E2F3: variants seen among roughly 807,000 people sequenced by gnomAD.
E2F3 encodes the protein transcription factor E2F3.
In E2F3, 11 loss-of-function variants were observed where a neutral mutation model predicts 44.4. That is an observed-to-expected ratio of 0.25 (90% confidence interval 0.16 to 0.41). The LOEUF (loss-of-function observed/expected upper bound fraction) is 0.41. Ranked by LOEUF, E2F3 falls within the 10% of genes least tolerant of loss-of-function variation. E2F3 has a pLI of 1.00. For missense variants in E2F3, 487 were observed against 583.6 expected (o/e 0.83, Z 1.70); for synonymous variants, 249 against 253.0 (o/e 0.98, Z 0.15).
chr6:20,444,906 T>G (rs982957606), intron 1 of E2F3, among the ~76,000 whole-genome samples: 9 of 152,254 alleles, frequency 5.9e-5, no homozygotes, highest in Admixed American at 2.0e-4. Context: ...TGATGATAAC[T>G]TCTCCTAGGG....
At chr6:20,437,997 G>A (rs935066773) in intron 1 of E2F3, 1 of 152,200 alleles carries the variant, frequency 6.6e-6, no homozygotes, top group Non-Finnish European at 1.5e-5. Context: ...AGATTTGACT[G>A]GGTAATGTGA....
At chr6:20,470,094 A>G (rs181164853) in intron 1 of E2F3, among the ~76,000 whole-genome samples, 77 of 152,214 alleles carry the variant, frequency 5.1e-4, no homozygotes, top group African/African-American at 1.3e-3. Context: ...TTCTGTTCTT[A>G]TTTGGACAGC....
At chr6:20,480,445 C>A (rs1762185058) in intron 2 of E2F3, among the ~76,000 whole-genome samples, 1 of 152,014 alleles carries the variant, frequency 6.6e-6, no homozygotes, top group African/African-American at 2.4e-5. Context: ...GAGAGAGAAA[C>A]GTAGGTTAGA....
At chr6:20,480,522 T>A (rs1762187544) in intron 2 of E2F3, among the ~76,000 whole-genome samples, 1 of 152,226 alleles carries the variant, frequency 6.6e-6, no homozygotes, top group Admixed American at 6.5e-5. Context: ...GACTTTGTTC[T>A]CTCTCTTCCT....
intron 1 of E2F3, among the ~76,000 whole-genome samples, chr6:20,427,539 G>C (rs1311285161): frequency 6.6e-6 from 1 of 152,080 alleles, no homozygotes; most frequent in Non-Finnish European, 1.5e-5. Context: ...AAATAAAAGT[G>C]ATTTCTAAGG....
chr6:20,402,756 C>G lies in E2F3; in HGVS notation c.393+131C>G. 8.0e-7 allele frequency: 1 copy of G among 1,245,654 alleles called. No individual in the cohort carries two copies. The highest frequency in any genetic ancestry group is 3.3e-5 in the South Asian group (1 of 30,726). 77.2% of individuals were successfully genotyped at this position (1,245,654 alleles called of 1,614,324 possible). Reference sequence around the variant, plus strand: ...GCATCGTGGGCCTCGGGGGCTGCCCCTCCAACGAGGGTTCATTGTTAGACC... The same window carrying G: ...GCATCGTGGGCCTCGGGGGCTGCCCGTCCAACGAGGGTTCATTGTTAGACC... On this transcript the variant is annotated intron_variant, in intron 1 of 6. Transcript: ENST00000346618. The surrounding 1 kb of genome is among the most constrained non-coding windows in gnomAD (Gnocchi z 5.6).
chr6:20,464,040 A>T (rs1761618440), intron 1 of E2F3, among the ~76,000 whole-genome samples: 1 of 152,242 alleles, frequency 6.6e-6, no homozygotes, highest in Non-Finnish European at 1.5e-5. Flanking sequence ...AAAGGGATGC[A>T]CAGGGCGAGG....
At chr6:20,437,522 T>G (rs941666564) in intron 1 of E2F3, among the ~76,000 whole-genome samples, 8 of 152,304 alleles carry the variant, frequency 5.3e-5, no homozygotes, top group Admixed American at 3.9e-4. Context: ...AATGTAGTGT[T>G]ATATTAAAAT....
intron 1 of E2F3, among the ~76,000 whole-genome samples, chr6:20,419,490 GTC>G (rs1303445164): frequency 6.6e-6 from 1 of 152,244 alleles, no homozygotes; most frequent in East Asian, 1.9e-4. Context: ...GGTAACATTA[GTC>G]TTTTTGCAGT....
At chr6:20,416,538 T>A (rs991509276) in intron 1 of E2F3, among the ~76,000 whole-genome samples, 1 of 152,196 alleles carries the variant, frequency 6.6e-6, no homozygotes, top group Non-Finnish European at 1.5e-5. Context: ...TATGTGGTGC[T>A]GGACCAGCAG....
In E2F3 at chr6:20,493,078, C is replaced by T. The variant is rs60408508; in HGVS notation, c.*2648C>T. 254 of 217,890 alleles carry T rather than the reference C, an allele frequency of 1.2e-3. No homozygotes were observed. The highest frequency in any genetic ancestry group is 5.5e-3 in the African/African-American group (243 of 44,576). The allele number at this position is 217,890 out of a possible 1,614,324, so 13.5% of individuals were successfully genotyped here. Reference sequence around the variant, plus strand: ...TATGTACAGAGTTGTGCATAGCAATCGTTTTATTTAAGTTGATATGTAGTC... The same window carrying T: ...TATGTACAGAGTTGTGCATAGCAATTGTTTTATTTAAGTTGATATGTAGTC... On this transcript the variant is annotated 3_prime_UTR_variant, in exon 7 of 7. Coordinates refer to ENST00000346618, the MANE Select transcript of E2F3 (RefSeq NM_001949.5).
At position 20,481,274 on chromosome 6, in the gene E2F3, C is replaced by G; in HGVS notation, c.574C>G (p.Gln192Glu). 1 of 1,614,142 alleles carries G rather than the reference C, an allele frequency of 6.2e-7. No individual in the cohort carries two copies. The highest frequency in any genetic ancestry group is 8.5e-7 in the Non-Finnish European group (1 of 1,180,018). Reference protein sequence around the residue: ...SLGLLTKKFIQLLSQSPDGVL... With the variant: ...SLGLLTKKFIELLSQSPDGVL... ...TGGTCTGCTCACCAAGAAGTTCATT[C>G]AGCTCCTGAGCCAGTCACCCGATGG... The change falls in exon 3 of 7, where the codon CAG (glutamine) becomes GAG (glutamate). Residue 192 changes from glutamine to glutamate, a missense_variant. By Grantham distance (29) the Gln-to-Glu change is conservative (BLOSUM62 2). Coordinates refer to ENST00000346618, the MANE Select transcript of E2F3 (RefSeq NM_001949.5).
chr6:20,412,199 G>A (rs927340922), intron 1 of E2F3, among the ~76,000 whole-genome samples: 1 of 152,156 alleles, frequency 6.6e-6, no homozygotes, highest in African/African-American at 2.4e-5. Context: ...AGAGGAACAG[G>A]TGAGAGTCAC....
intron 1 of E2F3, among the ~76,000 whole-genome samples, chr6:20,445,622 G>A (rs566765535): frequency 3.9e-5 from 6 of 152,180 alleles, no homozygotes; most frequent in South Asian, 4.2e-4. Context: ...TGAGGAATTC[G>A]TTTTGTCATC....
At chr6:20,477,901 C>G (rs568221027) in intron 1 of E2F3, among the ~76,000 whole-genome samples, 2 of 152,082 alleles carry the variant, frequency 1.3e-5, no homozygotes, top group African/African-American at 4.8e-5. Flanking sequence ...TATAGGTGGA[C>G]ACACTCATGG....
intron 1 of E2F3, among the ~76,000 whole-genome samples, chr6:20,477,272 T>A (rs1042821183): frequency 6.6e-6 from 1 of 152,156 alleles, no homozygotes; most frequent in African/African-American, 2.4e-5. Context: ...AATAGCCTAC[T>A]GTTGACTAGA....
chr6:20,436,452 A>AACACACACACACACACACAC (rs765678025), intron 1 of E2F3, among the ~76,000 whole-genome samples: 15 of 146,228 alleles, frequency 1.0e-4, no homozygotes, highest in Admixed American at 3.5e-4. Flanking sequence ...TGAGCTAGGA[A>AACACACACACACACACACAC]ACACACACAC....
In E2F3 at chr6:20,481,324, A is replaced by G. The variant is rs1762217650; in HGVS notation, c.624A>G (p.Ala208=). The G allele has an allele frequency of 1.2e-6, 2 of 1,614,212 alleles. No individual in the cohort carries two copies. The highest frequency in any genetic ancestry group is 2.2e-5 in the East Asian group (1 of 44,882). Residue 208 remains alanine, a synonymous_variant, in exon 3 of 7, where the codon GCA becomes GCG. Coordinates refer to ENST00000346618, the MANE Select transcript of E2F3 (RefSeq NM_001949.5). ...GGGTATTGGATTTGAACAAGGCAGC[A>G]GAAGTGCTAAAAGTGCAAAAGAGAA... ...PDGVLDLNKA[A]EVLKVQKRRI...
chr6:20,451,384 C>T (rs1761125990), intron 1 of E2F3, among the ~76,000 whole-genome samples: 1 of 151,998 alleles, frequency 6.6e-6, no homozygotes, highest in Non-Finnish European at 1.5e-5. Flanking sequence ...TATGGGAATG[C>T]TAGTGGTTTT....
Sources: gnomAD v4.1 joint callset for allele counts (sites outside exome capture counted in the v4.1 genomes callset) on GRCh38, gnomAD v4.1.1 for gene constraint, Gnocchi (gnomAD v3.1) non-coding constraint, MANE v1.5 for transcripts, NCBI Gene and HGNC (gene_info 2026-07-23, HGNC 2026-07-21) for gene names.